TNNI3K: variants seen among roughly 807,000 people sequenced by gnomAD.
The protein encoded by TNNI3K is TNNI3 interacting kinase, also known as serine/threonine-protein kinase TNNI3K.
TNNI3K carries 140 observed loss-of-function variants against 114.5 expected under a neutral mutation model. The ratio of observed to expected loss-of-function variants is 1.22; its 90% CI spans 1.07 to 1.41. The LOEUF is 1.41. Among genes scored for constraint, TNNI3K ranks in the 40% most tolerant of loss-of-function variants. TNNI3K has a pLI of 0.00. For synonymous variants in TNNI3K, 347 were observed against 347.5 expected (o/e 1.00, Z 0.02); for missense variants, 1,125 against 1,007.6 (o/e 1.12, Z -1.58).
intron 17 of TNNI3K, among the ~76,000 whole-genome samples, chr1:74,411,162 C>T (rs1158581963): frequency 6.6e-6 from 1 of 152,080 alleles, no homozygotes; most frequent in Non-Finnish European, 1.5e-5. Flanking sequence ...TGTCTATATA[C>T]TGTAGATTTT....
At chr1:74,543,078 T>C (rs1287138208) in intron 24 of TNNI3K, among the ~76,000 whole-genome samples, 1 of 129,104 alleles carries the variant, frequency 7.7e-6, no homozygotes, top group Non-Finnish European at 1.6e-5. Context: ...TTTTTTTTTT[T>C]TTTTTTTTTT....
chr1:74,275,352 T>C (rs1409424833), intron 5 of TNNI3K, among the ~76,000 whole-genome samples: 1 of 152,038 alleles, frequency 6.6e-6, no homozygotes, highest in East Asian at 1.9e-4. Context: ...AACCACCAGA[T>C]TTCCTGAGAC....
intron 19 of TNNI3K, 117 bp from the exon 20 acceptor site, chr1:74,439,373 T>G: frequency 1.4e-6 from 2 of 1,467,816 alleles, no homozygotes; most frequent in Non-Finnish European, 1.8e-6. Context: ...TAATTTATAT[T>G]TATGCCTTTT....
chr1:74,257,348 A>G (rs939091920), intron 4 of TNNI3K, among the ~76,000 whole-genome samples: 1 of 152,168 alleles, frequency 6.6e-6, no homozygotes, highest in African/African-American at 2.4e-5. Flanking sequence ...TAAATGTCCA[A>G]TCTGCTGTTT....
chr1:74,489,451 G>C (rs573386646), intron 22 of TNNI3K, among the ~76,000 whole-genome samples: 5 of 152,110 alleles, frequency 3.3e-5, no homozygotes, highest in African/African-American at 1.2e-4. Flanking sequence ...GAGTGAATTC[G>C]AGACCTTCCA....
At chr1:74,475,204 G>T in intron 21 of TNNI3K, 1 of 593,796 alleles carries the variant, frequency 1.7e-6, no homozygotes, top group Non-Finnish European at 3.0e-6. Context: ...GATTTTTATA[G>T]TATTTCCTGT....
At chr1:74,530,608 G>C (rs903908448) in intron 23 of TNNI3K, among the ~76,000 whole-genome samples, 4 of 152,156 alleles carry the variant, frequency 2.6e-5, no homozygotes, top group East Asian at 3.8e-4. Flanking sequence ...TATGAACTGG[G>C]ATAGGTTATT....
intron 21 of TNNI3K, chr1:74,471,570 C>G (rs2100737934): frequency 2.5e-6 from 1 of 400,578 alleles, no homozygotes; most frequent in East Asian, 3.6e-5. Flanking sequence ...CTTTGTTTCT[C>G]TCCCCAGTGT....
At chr1:74,534,450 C>A (rs1222706123) in intron 23 of TNNI3K, among the ~76,000 whole-genome samples, 2 of 152,104 alleles carry the variant, frequency 1.3e-5, no homozygotes, top group East Asian at 1.9e-4. Flanking sequence ...AACCATGATT[C>A]ATTGCTCCAA....
intron 17 of TNNI3K, among the ~76,000 whole-genome samples, chr1:74,417,229 A>G (rs890934181): frequency 1.3e-5 from 2 of 152,026 alleles, no homozygotes; most frequent in African/African-American, 4.8e-5. Flanking sequence ...ATGAAAATGT[A>G]CTGCTCAGAT....
At chr1:74,297,909 T>C (rs1430136938) in intron 5 of TNNI3K, among the ~76,000 whole-genome samples, 3 of 152,180 alleles carry the variant, frequency 2.0e-5, no homozygotes, top group African/African-American at 7.2e-5. Flanking sequence ...AACTTCTCAA[T>C]TGGAGAGTTT....
intron 5 of TNNI3K, among the ~76,000 whole-genome samples, chr1:74,322,499 T>A (rs1280455567): frequency 6.6e-6 from 1 of 151,034 alleles, no homozygotes; most frequent in Admixed American, 6.6e-5. Context: ...CTCACTCTGT[T>A]GCCCAGGCTG....
intron 17 of TNNI3K, chr1:74,373,434 A>G (rs1662716605): frequency 6.6e-6 from 1 of 151,608 alleles, no homozygotes. Flanking sequence ...AGACTGGGAA[A>G]CTCATACACT....
chr1:74,480,126 A>G, intron 21 of TNNI3K: 1 of 696,602 alleles, frequency 1.4e-6, no homozygotes, highest in Non-Finnish European at 2.7e-6. Context: ...AAGAGAAAAG[A>G]GGAGGGCACA....
chr1:74,500,419 C>T (rs9425137), intron 23 of TNNI3K, among the ~76,000 whole-genome samples: 2,273 of 151,008 alleles, frequency 0.015, 59 homozygotes, highest in African/African-American at 0.051. Flanking sequence ...GGCTAAAAAA[C>T]GGTGAAACCC....
chr1:74,530,203 A>G (rs1646562929), intron 23 of TNNI3K, among the ~76,000 whole-genome samples: 1 of 152,222 alleles, frequency 6.6e-6, no homozygotes, highest in Admixed American at 6.5e-5. Context: ...TATTCCTAAT[A>G]TATAGCACAG....
intron 23 of TNNI3K, among the ~76,000 whole-genome samples, chr1:74,522,655 A>T (rs1355926550): frequency 6.2e-4 from 93 of 150,200 alleles, no homozygotes; most frequent in African/African-American, 1.9e-3. Context: ...TGTGTGTGAG[A>T]GAGAGAGAGA....
At chr1:74,375,509 T>C (rs978490904) in intron 17 of TNNI3K, 2 of 451,336 alleles carry the variant, frequency 4.4e-6, no homozygotes, top group African/African-American at 4.0e-5. Context: ...CCAGATTGCT[T>C]CTGGGGATAA....
chr1:74,323,018 T>A (rs2100388241), intron 5 of TNNI3K, among the ~76,000 whole-genome samples: 1 of 152,288 alleles, frequency 6.6e-6, no homozygotes, highest in South Asian at 2.1e-4. Flanking sequence ...TATGGAAAAA[T>A]TGCTAAAATT....
Sources: allele counts gnomAD v4.1 joint callset (sites outside exome capture counted in the v4.1 genomes callset), GRCh38; gene constraint gnomAD v4.1.1; transcripts MANE v1.5; gene names NCBI Gene and HGNC (gene_info 2026-07-23, HGNC 2026-07-21).